KCNH7: variants seen among roughly 807,000 people sequenced by gnomAD.
KCNH7 encodes the protein potassium voltage-gated channel subfamily H member 7, also known as voltage-gated inwardly rectifying potassium channel KCNH7.
In KCNH7, 49 loss-of-function variants were observed where a neutral mutation model predicts 120.8. The ratio of observed to expected loss-of-function variants is 0.41; its 90% CI spans 0.32 to 0.51. KCNH7 has a LOEUF of 0.51. Among genes scored for constraint, KCNH7 ranks in the 20% least tolerant of loss-of-function variants. KCNH7 has a pLI of 0.38. For missense variants in KCNH7, 1,097 were observed against 1,446.6 expected, an observed-to-expected ratio of 0.76 and a Z score of 3.92; for synonymous variants, 547 against 516.1, an observed-to-expected ratio of 1.06 and a Z score of -0.81.
In KCNH7 at chr2:162,595,899, A is replaced by T. The variant is rs1694363474; in HGVS notation, c.308-58819T>A. On this transcript the variant is annotated intron_variant, in intron 2 of 15. Coordinates refer to ENST00000332142, the MANE Select transcript of KCNH7 (RefSeq NM_033272.4). ...GTTACAAAATCAATAAATCAATAGC[A>T]TTTTTATACATTAACAGTGAACTTC... 2.6e-5 allele frequency among the ~76,000 whole-genome samples: 4 copies of T among 152,202 alleles called. No individual in the cohort carries two copies. In the South Asian group the frequency reaches 8.3e-4, roughly 32 times the overall value.
At chr2:162,614,209 A>C (rs951562037) in intron 2 of KCNH7, among the ~76,000 whole-genome samples, 1 of 152,004 alleles carries the variant, frequency 6.6e-6, no homozygotes, top group African/African-American at 2.4e-5. Flanking sequence ...CAAAACCATA[A>C]TTTTGCAAAA....
At chr2:162,832,371 T>G (rs890217270) in intron 2 of KCNH7, among the ~76,000 whole-genome samples, 7 of 152,274 alleles carry the variant, frequency 4.6e-5, no homozygotes, top group African/African-American at 1.7e-4. Flanking sequence ...TTTCTGTTTG[T>G]ACTAATAAAA....
At chr2:162,719,677 G>A (rs1308537157) in intron 2 of KCNH7, among the ~76,000 whole-genome samples, 1 of 151,874 alleles carries the variant, frequency 6.6e-6, no homozygotes, top group African/African-American at 2.4e-5. Flanking sequence ...GGAATATGTG[G>A]GCTGGTTACT....
intron 2 of KCNH7, among the ~76,000 whole-genome samples, chr2:162,762,611 T>G (rs1424579076): frequency 2.6e-5 from 4 of 152,084 alleles, no homozygotes; most frequent in Non-Finnish European, 5.9e-5. Context: ...TCAGTCTATA[T>G]GTCTCAGGTG....
intron 2 of KCNH7, among the ~76,000 whole-genome samples, chr2:162,613,220 A>G (rs1333226975): frequency 6.6e-6 from 1 of 151,992 alleles, no homozygotes; most frequent in Admixed American, 6.5e-5. Context: ...GAATATTTCA[A>G]TAGCAGCCTG....
chr2:162,559,501 TAGAA>T (rs1389318289), intron 2 of KCNH7, among the ~76,000 whole-genome samples: 1 of 152,210 alleles, frequency 6.6e-6, no homozygotes, highest in Non-Finnish European at 1.5e-5. Flanking sequence ...AGTTTTATTT[TAGAA>T]AGCTTAAAAG....
chr2:162,465,668 T>A (rs1689282707), intron 6 of KCNH7, among the ~76,000 whole-genome samples: 1 of 152,170 alleles, frequency 6.6e-6, no homozygotes, highest in South Asian at 2.1e-4. Flanking sequence ...CGCATTGTAT[T>A]CATTGAGGTT....
intron 2 of KCNH7, among the ~76,000 whole-genome samples, chr2:162,728,826 TTA>T (rs1332114753): frequency 3.3e-5 from 5 of 152,122 alleles, no homozygotes; most frequent in Non-Finnish European, 7.4e-5. Flanking sequence ...TTATCAAATA[TTA>T]TTTTAAAATT....
chr2:162,637,208 T>A (rs187613448), intron 2 of KCNH7, among the ~76,000 whole-genome samples: 3 of 152,082 alleles, frequency 2.0e-5, no homozygotes, highest in Non-Finnish European at 4.4e-5. Context: ...ATGTGGAGAA[T>A]TTCCACATTT....
chr2:162,547,844 GGC>G (rs1692533575), intron 2 of KCNH7, among the ~76,000 whole-genome samples: 1 of 152,142 alleles, frequency 6.6e-6, no homozygotes, highest in East Asian at 1.9e-4. Flanking sequence ...CACAGGAAAA[GGC>G]GTGTTTTAAG....
chr2:162,459,823 C>T lies in KCNH7; in HGVS notation c.1129-13380G>A, dbSNP rs149894860. ...TAAAGAAATGCAAAGAGGCCGGGCG[C>T]AGTGGCTCACTCCTGTAACCCTACC... On this transcript the variant is annotated intron_variant, in intron 6 of 15. Transcript: ENST00000332142. Among the ~76,000 whole-genome samples the T allele has an allele frequency of 1.1e-4, 17 of 152,204 alleles. 1 individual carries two copies. In the East Asian group the frequency reaches 3.3e-3, roughly 29 times the overall value.
chr2:162,519,415 C>T (rs1239503244), intron 3 of KCNH7, among the ~76,000 whole-genome samples: 1 of 151,640 alleles, frequency 6.6e-6, no homozygotes, highest in African/African-American at 2.4e-5. Context: ...ATCAAAAAAA[C>T]AAAAGCTTAT....
At chr2:162,648,328 A>G (rs1459753633) in intron 2 of KCNH7, among the ~76,000 whole-genome samples, 1 of 152,108 alleles carries the variant, frequency 6.6e-6, no homozygotes, top group Non-Finnish European at 1.5e-5. Flanking sequence ...AAACAACCAG[A>G]TCTCCTGAGA....
chr2:162,453,190 A>G (rs779702221), intron 6 of KCNH7, among the ~76,000 whole-genome samples: 1 of 151,930 alleles, frequency 6.6e-6, no homozygotes, highest in Non-Finnish European at 1.5e-5. Flanking sequence ...TTCAACTCCC[A>G]CTTATAAGTG....
rs562253849 is a variant in KCNH7, at chr2:162,639,771, G to A, written c.308-102691C>T. 3.9e-5 allele frequency among the ~76,000 whole-genome samples: 6 copies of A among 152,102 alleles called. No homozygotes were observed. The East Asian group carries it at 1.2e-3, about 29-fold the overall frequency. On this transcript the variant is annotated intron_variant, in intron 2 of 15. Transcript: ENST00000332142. ...CACAAGCATCCGGATTGGAAAGGAT[G>A]AAATAAAACTGTTCCTATTTGTAGT...
chr2:162,675,593 T>A (rs1685508204), intron 2 of KCNH7, among the ~76,000 whole-genome samples: 1 of 151,510 alleles, frequency 6.6e-6, no homozygotes, highest in East Asian at 1.9e-4. Context: ...CTTAGAGCAG[T>A]CATTTGAGTG....
intron 6 of KCNH7, among the ~76,000 whole-genome samples, chr2:162,447,180 ACCAAGTGGTACT>A (rs1688608449): frequency 6.6e-6 from 1 of 152,100 alleles, no homozygotes; most frequent in Non-Finnish European, 1.5e-5. Context: ...GTGTTTAGAC[ACCAAGTGGTACT>A]TCACCTCCAA....
At chr2:162,552,958 C>G (rs1692727965) in intron 2 of KCNH7, among the ~76,000 whole-genome samples, 1 of 152,162 alleles carries the variant, frequency 6.6e-6, no homozygotes, top group Non-Finnish European at 1.5e-5. Context: ...CACACCCAGC[C>G]CGACTTCTGA....
intron 9 of KCNH7, among the ~76,000 whole-genome samples, chr2:162,422,504 A>C (rs1687739232): frequency 6.6e-6 from 1 of 152,118 alleles, no homozygotes. Context: ...CTGATGCTCT[A>C]CGATATGTCA....
Sources: allele counts gnomAD v4.1 joint callset (sites outside exome capture counted in the v4.1 genomes callset), GRCh38; gene constraint gnomAD v4.1.1; transcripts MANE v1.5; gene names NCBI Gene and HGNC (gene_info 2026-07-23, HGNC 2026-07-21).